The following PLCH2 variants were observed in gnomAD, a reference collection of about 807,000 sequenced individuals.
PLCH2 encodes 1-phosphatidylinositol 4,5-bisphosphate phosphodiesterase eta-2.
A neutral mutation model predicts 134.7 loss-of-function variants in PLCH2; 98 were observed. That is an observed-to-expected ratio of 0.73 (90% CI 0.62 to 0.86). The LOEUF is 0.86. PLCH2 is among the 40% of genes least tolerant of loss of function. The pLI, the probability that PLCH2 is intolerant of heterozygous loss-of-function variation, is 0.00. For missense variants in PLCH2, 1,994 were observed against 1,986.6 expected (o/e 1.00, Z -0.07); for synonymous variants, 974 against 827.5 (o/e 1.18, Z -3.04).
intron 2 of PLCH2, among the ~76,000 whole-genome samples, chr1:2,442,393 G>A (rs1347316669): frequency 6.6e-6 from 1 of 152,124 alleles, no homozygotes; most frequent in African/African-American, 2.4e-5. Context: ...TAGAAACTCC[G>A]GCAACACTGG....
chr1:2,422,993 AC>A (rs1638594198), upstream of PLCH2, among the ~76,000 whole-genome samples: 1 of 152,208 alleles, frequency 6.6e-6, no homozygotes, highest in Non-Finnish European at 1.5e-5. Flanking sequence ...AAATCACATT[AC>A]TATCACCCCG....
In PLCH2 at chr1:2,438,215, C is replaced by T. The variant is rs539400863; in HGVS notation, c.115+7586C>T. Among the ~76,000 whole-genome samples, 13 of 152,334 alleles carry T rather than the reference C, an allele frequency of 8.5e-5. No homozygotes were observed. The South Asian group carries it at 1.0e-3, about 12-fold the overall frequency. On this transcript the variant is annotated intron_variant, in intron 2 of 3. Coordinates refer to the PLCH2 transcript ENST00000609981. ...AGCAAGCGCGGAGATGAACGGCGCTCGGCAGACGGTGTGTGCTGGCGCCCG... is the reference window on the plus strand; with the variant it reads ...AGCAAGCGCGGAGATGAACGGCGCTTGGCAGACGGTGTGTGCTGGCGCCCG...
At chr1:2,502,011 A>G in intron 20 of PLCH2, 101 bp from the exon 21 acceptor site, 4 of 1,104,996 alleles carry the variant, frequency 3.6e-6, no homozygotes, top group Non-Finnish European at 3.7e-6. Context: ...CGAGACACGC[A>G]TGGCACGTCT....
In PLCH2 at chr1:2,487,203, G is replaced by A. The variant is rs760510248; in HGVS notation, c.941G>A (p.Gly314Asp). The A allele has an allele frequency of 4.6e-5, 73 of 1,586,484 alleles. No individual in the cohort carries two copies. Among genetic ancestry groups the A allele is most frequent in the Non-Finnish European group, 6.2e-5 (72 of 1,167,000 alleles). Residue 314 changes from glycine (G) to aspartate (D), a missense_variant, in exon 7 of 22, where the codon GGT becomes GAT. Gly to Asp is a moderately conservative substitution (Grantham distance 94). Transcript: ENST00000378486. ...ACCAACTACACCAGGAGCCCTGCTG[G>A]TGACATCTTCAACCCTGAGCACCAC... ...GFTNYTRSPAGDIFNPEHHHV... is the reference protein window; with the variant it reads ...GFTNYTRSPADDIFNPEHHHV...
At chr1:2,447,782 T>A (rs2100545948) in intron 2 of PLCH2, among the ~76,000 whole-genome samples, 1 of 152,180 alleles carries the variant, frequency 6.6e-6, no homozygotes, top group South Asian at 2.1e-4. Flanking sequence ...GCTCTCTGAG[T>A]CTTTGGGGTC....
At chr1:2,459,003 CTT>C (rs1432228773) in intron 2 of PLCH2, among the ~76,000 whole-genome samples, 1 of 152,262 alleles carries the variant, frequency 6.6e-6, no homozygotes, top group African/African-American at 2.4e-5. Flanking sequence ...CCTGGGCACT[CTT>C]GAGTCACTGC....
In PLCH2 at chr1:2,501,694, C is replaced by A. The variant is rs140019986; in HGVS notation, c.2662-418C>A. ...GTGGGGCACACACAACCAGGGAGTG[C>A]CACGCCAGTGTCCCCTGCTAGCGCC... On this transcript the variant is annotated intron_variant, in intron 20 of 21. Coordinates refer to ENST00000378486, the MANE Select transcript of PLCH2 (RefSeq NM_014638.4). 125 of 180,430 alleles carry A rather than the reference C, an allele frequency of 6.9e-4. 1 individual carries two copies. The Middle Eastern group carries it at 0.027, about 39-fold the overall frequency. 11.2% of individuals were successfully genotyped at this position (180,430 alleles called of 1,614,324 possible).
chr1:2,428,902 G>A (rs1638933780), intron 1 of PLCH2, among the ~76,000 whole-genome samples: 1 of 152,266 alleles, frequency 6.6e-6, no homozygotes, highest in Non-Finnish European at 1.5e-5. Context: ...GCTTGGGTGA[G>A]GAGGGAGGCC....
In PLCH2 at chr1:2,479,855, G is replaced by T. The variant is rs376411358; in HGVS notation, c.393G>T (p.Glu131Asp). 43 of 1,611,162 alleles carry T rather than the reference G, an allele frequency of 2.7e-5. No individual in the cohort carries two copies. The African/African-American group carries it at 5.1e-4, about 19-fold the overall frequency. The change falls in exon 3 of 22, where the codon GAG becomes GAT. Residue 131 changes from glutamate to aspartate, a missense_variant. Glu to Asp is a conservative substitution (Grantham distance 45, BLOSUM62 2). Coordinates refer to ENST00000378486, the MANE Select transcript of PLCH2 (RefSeq NM_014638.4). Reference protein sequence around the residue: ...CFSIYHGSHRESLDLVSTSSE... With the variant: ...CFSIYHGSHRDSLDLVSTSSE... Reference sequence around the variant, plus strand: ...GCATCTACCACGGCAGCCACCGCGAGTCGCTGGACCTGGTCTCCACCAGCA... The same window carrying T: ...GCATCTACCACGGCAGCCACCGCGATTCGCTGGACCTGGTCTCCACCAGCA...
At chr1:2,499,427 A>G (rs1000874574) in intron 19 of PLCH2, among the ~76,000 whole-genome samples, 197 bp downstream of exon 19, 1 of 151,870 alleles carries the variant, frequency 6.6e-6, no homozygotes, top group Admixed American at 6.6e-5. Flanking sequence ...GGGAGGGGCC[A>G]CCCCCAGGAA....
At chr1:2,463,936 G>A (rs1640940328), upstream of PLCH2, among the ~76,000 whole-genome samples, 1 of 152,252 alleles carries the variant, frequency 6.6e-6, no homozygotes, top group Admixed American at 6.5e-5. Context: ...GGTGTGAACT[G>A]GGGTCTCCTG....
In PLCH2 at chr1:2,485,572, G is replaced by A. The variant is rs1205189429; in HGVS notation, c.816+954G>A. On this transcript the variant is annotated intron_variant, in intron 5 of 21. Transcript: ENST00000378486. ...GCCTCAGCCTGGGGGTGCTGCTTAG[G>A]GACCTCCACTCTACTGGCCTCAGCC... 2.0e-5 allele frequency among the ~76,000 whole-genome samples: 3 copies of A among 151,828 alleles called. No individual in the cohort carries two copies. In the East Asian group the frequency reaches 5.8e-4, roughly 29 times the overall value.
At chr1:2,480,005 C>T (rs920800586) in intron 3 of PLCH2, 28 bp downstream of exon 3, 1 of 1,596,114 alleles carries the variant, frequency 6.3e-7, no homozygotes, top group Non-Finnish European at 8.6e-7. Flanking sequence ...TCGGGCAATG[C>T]AGACCCAGGG....
chr1:2,494,531 GA>G, intron 11 of PLCH2: 10 of 449,494 alleles, frequency 2.2e-5, no homozygotes, highest in East Asian at 4.5e-5. Context: ...CCACTGGTGG[GA>G]AAAAAGGATT....
In PLCH2 at chr1:2,504,219, G is replaced by A. The variant is rs745500851; in HGVS notation, c.3257G>A (p.Gly1086Asp). ...TDGRSQPRTL[G>D]HLPVIRRVKS... ...GGCAGGAGCCAGCCCCGGACCCTGG[G>A]CCACCTGCCCGTGATTAGAAGGGTG... The change falls in exon 22 of 22, where the codon GGC becomes GAC. Residue 1086 changes from glycine to aspartate, a missense_variant. Coordinates refer to ENST00000378486, the MANE Select transcript of PLCH2 (RefSeq NM_014638.4). 2.5e-5 allele frequency: 39 copies of A among 1,563,284 alleles called. No individual in the cohort carries two copies. Among genetic ancestry groups the A allele is most frequent in the African/African-American group, 1.4e-5 (1 of 73,450 alleles).
intron 2 of PLCH2, among the ~76,000 whole-genome samples, chr1:2,441,729 A>G (rs6673880): frequency 0.61 from 93,354 of 152,014 alleles, 30,399 homozygotes; most frequent in East Asian, 0.87. Flanking sequence ...CCCGTGGGCC[A>G]GTGTGGCCAA....
At position 2,504,971 on chromosome 1, in the gene PLCH2, C is replaced by A; in HGVS notation, c.4009C>A (p.Arg1337Ser). Residue 1337 changes from arginine (R) to serine (S), a missense_variant, in exon 22 of 22, where the codon CGC (arginine) becomes AGC (serine). Arg to Ser is a moderately radical substitution (Grantham distance 110). This residue lies in a region of PLCH2 where 900 missense variants were observed against 752.3 expected (regional missense o/e 1.20). Coordinates refer to ENST00000378486, the MANE Select transcript of PLCH2 (RefSeq NM_014638.4). ...GGCAGGGGGCCCTGGTTTTGTGCGG[C>A]GCTCCTCCTCCCGCAGCCACAGCCG... ...GVAGGPGFVR[R>S]SSSRSHSRVR... The A allele has an allele frequency of 6.4e-7, 1 of 1,551,440 alleles. No individual in the cohort carries two copies.
rs375273195 is a variant in PLCH2, at chr1:2,497,585, C to T, written c.2200C>T (p.Leu734Phe). ...FSANGGCGYV[L>F]KPGCMCQGVF... ...CGCCAACGGTGGCTGCGGCTACGTA[C>T]TCAAGCCTGGGTGCATGTGCCAGGG... Residue 734 changes from leucine to phenylalanine, a missense_variant, in exon 16 of 22, where the codon CTC (leucine) becomes TTC (phenylalanine). Physicochemically the swap from Leu to Phe is conservative, Grantham distance 22 (BLOSUM62 0). This residue lies in a region of PLCH2 where 1,094 missense variants were observed against 1,234.3 expected (regional missense o/e 0.89). Coordinates refer to ENST00000378486, the MANE Select transcript of PLCH2 (RefSeq NM_014638.4). 6.4e-7 allele frequency: 1 copy of T among 1,561,550 alleles called. No individual in the cohort carries two copies. Among genetic ancestry groups the T allele is most frequent in the Non-Finnish European group, 8.7e-7 (1 of 1,153,368 alleles).
At chr1:2,429,806 C>T (rs551818868) in intron 1 of PLCH2, among the ~76,000 whole-genome samples, 29 of 152,242 alleles carry the variant, frequency 1.9e-4, no homozygotes, top group Admixed American at 5.2e-4. Context: ...TCCTCGGGGC[C>T]GTGGGGGCCC....
Sources: gnomAD v4.1 joint callset for allele counts (sites outside exome capture counted in the v4.1 genomes callset) on GRCh38, gnomAD v4.1.1 for gene constraint, gnomAD v4.1.1 regional missense constraint, MANE v1.5 for transcripts, NCBI Gene and HGNC (gene_info 2026-07-23, HGNC 2026-07-21) for gene names.